The following KIF27 variants were observed in gnomAD, a reference collection of about 807,000 sequenced individuals.
The protein encoded by KIF27 is kinesin family member 27.
A neutral mutation model predicts 141.8 loss-of-function variants in KIF27; 84 were observed. That is an observed-to-expected ratio of 0.59 (90% CI 0.50 to 0.71). The LOEUF (loss-of-function observed/expected upper bound fraction) is 0.71, where lower values mean the gene tolerates loss of function less well. Ranked by LOEUF, KIF27 falls within the 30% of genes least tolerant of loss-of-function variation. The probability of loss-of-function intolerance (pLI) is 0.00; values close to 1 mark genes in which losing one functional copy is unlikely to be tolerated. For missense variants in KIF27, 1,306 were observed against 1,628.4 expected (o/e 0.80, Z 3.41); for synonymous variants, 471 against 569.5 (o/e 0.83, Z 2.46).
intron 2 of KIF27, among the ~76,000 whole-genome samples, chr9:83,913,461 CAG>C (rs1346534380): frequency 6.6e-6 from 1 of 150,904 alleles, no homozygotes; most frequent in Non-Finnish European, 1.5e-5. Flanking sequence ...TTTTTTGAGA[CAG>C]AGTTTGGTCT....
At chr9:83,874,261 T>A (rs973223305) in intron 11 of KIF27, among the ~76,000 whole-genome samples, 1 of 152,224 alleles carries the variant, frequency 6.6e-6, no homozygotes, top group Non-Finnish European at 1.5e-5. Context: ...ATCCATTTTA[T>A]AGATGAGGAA....
chr9:83,872,143 G>A (rs1950848828), intron 11 of KIF27, among the ~76,000 whole-genome samples: 1 of 151,628 alleles, frequency 6.6e-6, no homozygotes, highest in Non-Finnish European at 1.5e-5. Flanking sequence ...GGCCAACATG[G>A]GGAAACCCCG....
chr9:83,867,391 T>TCTCTGTCTATCTATCTATCTATCTATCC (rs1950452647), intron 13 of KIF27, among the ~76,000 whole-genome samples: 1 of 151,996 alleles, frequency 6.6e-6, no homozygotes, highest in Non-Finnish European at 1.5e-5. Flanking sequence ...TCTATCTATC[T>TCTCTGTCTATCTATCTATCTATCTATCC]ATCTATCCAT....
intron 1 of KIF27, among the ~76,000 whole-genome samples, chr9:83,919,528 C>T (rs1956041729): frequency 6.6e-6 from 1 of 151,588 alleles, no homozygotes; most frequent in African/African-American, 2.4e-5. Context: ...GTAACACAGA[C>T]AACTAGACTG....
intron 13 of KIF27, among the ~76,000 whole-genome samples, chr9:83,866,508 C>T (rs1184417239): frequency 2.0e-5 from 3 of 151,708 alleles, no homozygotes; most frequent in Non-Finnish European, 4.4e-5. Flanking sequence ...TGTCTTTTCC[C>T]TTTTATGGCT....
chr9:83,921,140 C>A (rs1023013558), intron 1 of KIF27, among the ~76,000 whole-genome samples: 1 of 152,010 alleles, frequency 6.6e-6, no homozygotes, highest in Non-Finnish European at 1.5e-5. Flanking sequence ...CTCGCCGGCT[C>A]CCAGCCCCGA....
intron 17 of KIF27, among the ~76,000 whole-genome samples, chr9:83,841,272 T>C (rs1946527583): frequency 6.6e-6 from 1 of 152,312 alleles, no homozygotes; most frequent in South Asian, 2.1e-4. Flanking sequence ...GGTTTCACCA[T>C]GTTGGTCAGG....
intron 17 of KIF27, among the ~76,000 whole-genome samples, chr9:83,841,572 T>G (rs1308508772): frequency 6.6e-6 from 1 of 152,236 alleles, no homozygotes; most frequent in Non-Finnish European, 1.5e-5. Context: ...TTATTAGAAA[T>G]TATCAGCTAA....
chr9:83,884,055 T>C (rs1487311228), intron 9 of KIF27, 37 bp from the exon 10 acceptor site: 2 of 1,394,946 alleles, frequency 1.4e-6, no homozygotes, highest in African/African-American at 1.5e-5. Context: ...GTATAAATTA[T>C]GTAAAAAGAA....
At chr9:83,838,493 C>T (rs1221707744) in intron 17 of KIF27, among the ~76,000 whole-genome samples, 2 of 152,142 alleles carry the variant, frequency 1.3e-5, no homozygotes, top group African/African-American at 4.8e-5. Flanking sequence ...CCTTGGCCTC[C>T]CAAAGTGCTG....
chr9:83,921,217 C>G (rs943695845), intron 1 of KIF27, among the ~76,000 whole-genome samples, 154 bp downstream of exon 1: 1 of 152,070 alleles, frequency 6.6e-6, no homozygotes, highest in East Asian at 1.9e-4. Flanking sequence ...CCGCTACCCA[C>G]CCGCGGCGGC....
chr9:83,835,368 T>C lies in KIF27; in HGVS notation c.*1633A>G, dbSNP rs1296421444. On this transcript the variant is annotated 3_prime_UTR_variant, in exon 18 of 18. Transcript: ENST00000297814. ...TCCTGGTAAAAATAAAATTTCCCAG[T>C]TAAGTTTGTAAATTAGTTTTTTGAA... is the stretch of plus-strand genomic sequence containing the variant. 6.6e-6 allele frequency among the ~76,000 whole-genome samples: 1 copy of C among 151,940 alleles called. No individual in the cohort carries two copies. Among genetic ancestry groups the C allele is most frequent in the Non-Finnish European group, 1.5e-5 (1 of 67,966 alleles).
In KIF27 at chr9:83,854,597, G is replaced by A. The variant is rs148791257; in HGVS notation, c.3151-762C>T. ...TTTTTTATTTTGGACACAGGGTCTCGCTATGTTGCCCAGGCTGAACTCAAA... is the reference window on the plus strand; with the variant it reads ...TTTTTTATTTTGGACACAGGGTCTCACTATGTTGCCCAGGCTGAACTCAAA... On this transcript the variant is annotated intron_variant, in intron 14 of 17. Transcript: ENST00000297814. 4.1e-3 allele frequency among the ~76,000 whole-genome samples: 617 copies of A among 152,128 alleles called. 17 individuals are homozygous for A. Among genetic ancestry groups the A allele is most frequent in the Admixed American group, 0.038 (576 of 15,258 alleles).
chr9:83,877,498 T>G (rs1381124126), intron 11 of KIF27, among the ~76,000 whole-genome samples: 1 of 152,094 alleles, frequency 6.6e-6, no homozygotes, highest in Admixed American at 6.5e-5. Context: ...TCACACCATA[T>G]ACAAAAACTG....
At chr9:83,841,074 A>AT (rs200132614) in intron 17 of KIF27, among the ~76,000 whole-genome samples, 2,637 of 145,446 alleles carry the variant, frequency 0.018, 49 homozygotes, top group East Asian at 0.039. Flanking sequence ...ATAAGTTAGC[A>AT]TTTTTTTTTT....
At chr9:83,891,623 T>C in intron 5 of KIF27, 122 bp from the exon 6 acceptor site, 2 of 941,604 alleles carry the variant, frequency 2.1e-6, no homozygotes, top group Non-Finnish European at 1.6e-6. Context: ...TCAATTCTCA[T>C]TTATCCAGAG....
At chr9:83,916,124 C>A (rs1442290604) in intron 1 of KIF27, among the ~76,000 whole-genome samples, 1 of 147,242 alleles carries the variant, frequency 6.8e-6, no homozygotes, top group African/African-American at 2.5e-5. Flanking sequence ...CTCTGCCTAC[C>A]AGGTTCAAGT....
At chr9:83,913,830 A>G (rs1425451801) in intron 2 of KIF27, among the ~76,000 whole-genome samples, 1 of 152,218 alleles carries the variant, frequency 6.6e-6, no homozygotes, top group Non-Finnish European at 1.5e-5. Context: ...AAAAAACCAC[A>G]CAAGTGAGTA....
Position 83,903,754 on chromosome 9 carries a change from C to T in KIF27, c.764G>A (p.Gly255Glu). ...TTCTTTGAACCGTTCACCAGTATTC[C>T]CCGTTTTGGTTACTCTTTCTGATCC... ...LAGSERVTKT[G>E]NTGERFKESI... Residue 255 changes from glycine (G) to glutamate (E), a missense_variant, in exon 4 of 18, where the codon GGG becomes GAG. Transcript: ENST00000297814. 1 of 1,614,130 alleles carries T rather than the reference C, an allele frequency of 6.2e-7. No individual in the cohort carries two copies. The highest frequency in any genetic ancestry group is 1.3e-5 in the African/African-American group (1 of 75,024).
Sources: allele counts gnomAD v4.1 joint callset (sites outside exome capture counted in the v4.1 genomes callset), GRCh38; gene constraint gnomAD v4.1.1; transcripts MANE v1.5; gene names NCBI Gene and HGNC (gene_info 2026-07-23, HGNC 2026-07-21).